The following KIF27 variants were observed in gnomAD, a reference collection of about 807,000 sequenced individuals.
KIF27 encodes kinesin family member 27.
In KIF27, 84 loss-of-function variants were observed where a neutral mutation model predicts 141.8. That is an observed-to-expected ratio of 0.59 (90% CI 0.50 to 0.71). KIF27 has a LOEUF of 0.71. Ranked by LOEUF, KIF27 falls within the 30% of genes least tolerant of loss-of-function variation. The pLI, the probability that KIF27 is intolerant of heterozygous loss-of-function variation, is 0.00. For missense variants in KIF27, 1,306 were observed against 1,628.4 expected, an observed-to-expected ratio of 0.80 and a Z score of 3.41; for synonymous variants, 471 against 569.5, an observed-to-expected ratio of 0.83 and a Z score of 2.46.
intron 10 of KIF27, 59 bp from the exon 11 acceptor site, chr9:83,880,553 A>T: frequency 4.1e-6 from 5 of 1,222,726 alleles, no homozygotes; most frequent in Non-Finnish European, 5.8e-6. Flanking sequence ...TCCTCAACTA[A>T]ACTTAATCTT....
chr9:83,856,802 G>C (rs1250018040), intron 14 of KIF27, among the ~76,000 whole-genome samples: 4 of 149,744 alleles, frequency 2.7e-5, no homozygotes, highest in East Asian at 2.0e-4. Flanking sequence ...CCCAGCTACT[G>C]GGGAGGCTGA....
At chr9:83,866,393 C>T (rs543063474) in intron 13 of KIF27, among the ~76,000 whole-genome samples, 1 of 152,300 alleles carries the variant, frequency 6.6e-6, no homozygotes, top group South Asian at 2.1e-4. Context: ...TCTCTAGGTA[C>T]TTGGAATGCA....
chr9:83,903,632 C>T lies in KIF27; in HGVS notation c.886G>A (p.Ala296Thr), dbSNP rs777663766. Residue 296 changes from alanine to threonine, a missense_variant, in exon 4 of 18, where the codon GCT becomes ACT. Ala to Thr is a moderately conservative substitution (Grantham distance 58, BLOSUM62 0). Transcript: ENST00000297814. ...TCTTTCAGAAGCCGGGTAATTTTAG[C>T]ATCCCTATATGGAATATGTGAACTC... is the stretch of plus-strand genomic sequence containing the variant. ...RKSSHIPYRDAKITRLLKDSL... is the reference protein window; with the variant it reads ...RKSSHIPYRDTKITRLLKDSL... The T allele has an allele frequency of 1.7e-5, 28 of 1,614,172 alleles. No individual in the cohort carries two copies. The highest frequency in any genetic ancestry group is 2.3e-5 in the Non-Finnish European group (27 of 1,180,020).
intron 1 of KIF27, among the ~76,000 whole-genome samples, chr9:83,915,973 T>C (rs536284983): frequency 3.9e-5 from 6 of 152,296 alleles, no homozygotes; most frequent in African/African-American, 1.4e-4. Context: ...TGTTTCCCAG[T>C]TCATTAATCT....
rs752678080 is a variant in KIF27, at chr9:83,908,595, T to C, written c.356A>G (p.Gln119Arg). Residue 119 changes from glutamine to arginine, a missense_variant, in exon 3 of 18, where the codon CAA becomes CGA. This residue lies in a region of KIF27 where 533 missense variants were observed against 565.6 expected (regional missense o/e 0.94). Transcript: ENST00000297814. The stretch of plus-strand genomic sequence containing the variant: ...AATGCTAGGATGTTCAGAGATGCTT[T>C]GAAATATTTCTTGAATAGCTCGAGG... ...IIPRAIQEIF[Q>R]SISEHPSIDF... The C allele has an allele frequency of 1.9e-6, 3 of 1,612,658 alleles. No homozygotes were observed. The highest frequency in any genetic ancestry group is 1.1e-5 in the South Asian group (1 of 90,808).
At chr9:83,889,538 C>T (rs1316404168) in intron 6 of KIF27, among the ~76,000 whole-genome samples, 4 of 151,928 alleles carry the variant, frequency 2.6e-5, no homozygotes, top group East Asian at 3.9e-4. Context: ...ACCAAAAGAA[C>T]GCATGGAAAA....
intron 9 of KIF27, among the ~76,000 whole-genome samples, chr9:83,885,982 C>T (rs1442566512): frequency 2.0e-5 from 3 of 151,512 alleles, no homozygotes; most frequent in Admixed American, 6.6e-5. Flanking sequence ...AAGAAGCATC[C>T]TCTGCTTAGC....
chr9:83,904,123 A>T (rs1401446082), intron 3 of KIF27, 105 bp from the exon 4 acceptor site: 2 of 742,528 alleles, frequency 2.7e-6, no homozygotes, highest in African/African-American at 3.5e-5. Flanking sequence ...TCCCTTTTTT[A>T]AAAAGTCAAC....
chr9:83,921,216 A>G (rs11140295), intron 1 of KIF27, among the ~76,000 whole-genome samples, 155 bp downstream of exon 1: 2 of 151,872 alleles, frequency 1.3e-5, no homozygotes, highest in African/African-American at 4.8e-5. Flanking sequence ...TCCGCTACCC[A>G]CCCGCGGCGG....
chr9:83,881,744 T>A (rs62564762), intron 10 of KIF27, among the ~76,000 whole-genome samples: 2 of 152,144 alleles, frequency 1.3e-5, no homozygotes, highest in Non-Finnish European at 2.9e-5. Context: ...CACTTACAAT[T>A]GACAGTAATT....
At chr9:83,906,076 C>T (rs971893894) in intron 3 of KIF27, among the ~76,000 whole-genome samples, 3 of 152,012 alleles carry the variant, frequency 2.0e-5, no homozygotes, top group South Asian at 2.1e-4. Context: ...TACAAAGAAG[C>T]ATGTATTATT....
At chr9:83,895,605 G>C (rs942485251) in intron 5 of KIF27, among the ~76,000 whole-genome samples, 5 of 151,480 alleles carry the variant, frequency 3.3e-5, no homozygotes, top group Admixed American at 2.6e-4. Flanking sequence ...ACATACTATA[G>C]AATCCAACTA....
chr9:83,893,178 A>G (rs1952843270), intron 5 of KIF27, among the ~76,000 whole-genome samples: 1 of 152,236 alleles, frequency 6.6e-6, no homozygotes, highest in African/African-American at 2.4e-5. Flanking sequence ...TCGAGGCTAC[A>G]GTGACTCATG....
In KIF27 at chr9:83,836,114, G is replaced by A. The variant is rs1945801233; in HGVS notation, c.*887C>T. ...CGGTGTGCAAAGCCTGACTAAGGAG[G>A]TTATAGAAAAAAATATCAGACTTAA... On this transcript the variant is annotated 3_prime_UTR_variant, in exon 18 of 18. Coordinates refer to ENST00000297814, the MANE Select transcript of KIF27 (RefSeq NM_017576.4). 6.6e-6 allele frequency among the ~76,000 whole-genome samples: 1 copy of A among 152,078 alleles called. No individual in the cohort carries two copies. Among genetic ancestry groups the A allele is most frequent in the Admixed American group, 6.5e-5 (1 of 15,270 alleles).
chr9:83,902,870 T>C (rs1954072772), intron 4 of KIF27, among the ~76,000 whole-genome samples, 190 bp downstream of exon 4: 1 of 152,118 alleles, frequency 6.6e-6, no homozygotes, highest in Non-Finnish European at 1.5e-5. Context: ...ATTCCATATA[T>C]AAATCATTTT....
rs1460562697 is a variant in KIF27, at chr9:83,842,405, T to A, written c.3557-4A>T. On this transcript the variant is annotated splice_polypyrimidine_tract_variant and splice_region_variant and intron_variant, in intron 16 of 17. Coordinates refer to ENST00000297814, the MANE Select transcript of KIF27 (RefSeq NM_017576.4). ...ATAATGCCTTCTCCATCTTGTTCTA[T>A]ACAACAAAAATTTGCATTTAAAATC... The A allele has an allele frequency of 6.7e-7, 1 of 1,482,776 alleles. No homozygotes were observed. Among genetic ancestry groups the A allele is most frequent in the Admixed American group, 2.5e-5 (1 of 40,074 alleles). The allele number at this position is 1,482,776 out of a possible 1,614,324, so 91.9% of individuals were successfully genotyped here. A position where few individuals can be genotyped will look rare whatever the true frequency, so the allele number is the denominator to read the frequency against.
chr9:83,899,818 A>C lies in KIF27; in HGVS notation c.1459-14T>G. 1.3e-6 allele frequency: 2 copies of C among 1,594,642 alleles called. No individual in the cohort carries two copies. Among genetic ancestry groups the C allele is most frequent in the East Asian group, 2.2e-5 (1 of 44,656 alleles). ...AGCAAGCACACACTAGTGGGGAAAG[A>C]AAGCACAAGTGACATTCACCACAGA... On this transcript the variant is annotated splice_polypyrimidine_tract_variant and intron_variant, in intron 4 of 17. Transcript: ENST00000297814.
chr9:83,859,714 G>C lies in KIF27; in HGVS notation c.2935-343C>G, dbSNP rs556489585. On this transcript the variant is annotated intron_variant, in intron 13 of 17. Transcript: ENST00000297814. Reference sequence around the variant, plus strand: ...GTGCAGCTAATTTTTTGTATTTTTAGTAGAGACAGGGTTTTACCATGTTGC... The same window carrying C: ...GTGCAGCTAATTTTTTGTATTTTTACTAGAGACAGGGTTTTACCATGTTGC... 1,199 of 235,422 alleles carry C rather than the reference G, an allele frequency of 5.1e-3. 13 individuals carry two copies. The highest frequency in any genetic ancestry group is 0.02 in the African/African-American group (854 of 42,656). 14.6% of individuals were successfully genotyped at this position (235,422 alleles called of 1,614,324 possible).
At chr9:83,888,313 T>C (rs1952312561) in intron 8 of KIF27, among the ~76,000 whole-genome samples, 176 bp downstream of exon 8, 1 of 150,990 alleles carries the variant, frequency 6.6e-6, no homozygotes, top group African/African-American at 2.5e-5. Flanking sequence ...TATTAAGGAG[T>C]AAAAGAGTAA....
Sources: gnomAD v4.1 joint callset for allele counts (sites outside exome capture counted in the v4.1 genomes callset) on GRCh38, gnomAD v4.1.1 for gene constraint, gnomAD v4.1.1 regional missense constraint, MANE v1.5 for transcripts, NCBI Gene and HGNC (gene_info 2026-07-23, HGNC 2026-07-21) for gene names.